The following SSBP2 variants were observed in gnomAD, a reference collection of about 807,000 sequenced individuals.
The protein encoded by SSBP2 is single stranded DNA binding protein 2.
Under a neutral mutation model 61.8 loss-of-function variants are expected in SSBP2, and 17 were observed. That is an observed-to-expected ratio of 0.28 (90% CI 0.19 to 0.41). The LOEUF (loss-of-function observed/expected upper bound fraction) is 0.41, where lower values mean the gene tolerates loss of function less well. Among genes scored for constraint, SSBP2 ranks in the 10% least tolerant of loss-of-function variants. The probability of loss-of-function intolerance (pLI) is 1.00; values close to 1 mark genes in which losing one functional copy is unlikely to be tolerated. For synonymous variants in SSBP2, 139 were observed against 141.3 expected (o/e 0.98, Z 0.12); for missense variants, 310 against 458.7 (o/e 0.68, Z 2.96).
intron 4 of SSBP2, among the ~76,000 whole-genome samples, chr5:81,535,722 G>A (rs987962658): frequency 2.6e-5 from 4 of 152,076 alleles, no homozygotes; most frequent in African/African-American, 7.2e-5. Flanking sequence ...AGAGAAAAAT[G>A]AATCTAAACA....
At chr5:81,539,061 A>T (rs1205561555) in intron 4 of SSBP2, among the ~76,000 whole-genome samples, 1 of 152,232 alleles carries the variant, frequency 6.6e-6, no homozygotes, top group East Asian at 1.9e-4. Flanking sequence ...GGTCTGGAAA[A>T]AGTAAATAGA....
At chr5:81,629,825 C>T (rs1367748724) in intron 3 of SSBP2, among the ~76,000 whole-genome samples, 1 of 152,176 alleles carries the variant, frequency 6.6e-6, no homozygotes, top group African/African-American at 2.4e-5. Context: ...CATCACCTCA[C>T]ATAGTACCTT....
chr5:81,498,138 T>C (rs980876277), intron 5 of SSBP2, among the ~76,000 whole-genome samples: 1 of 152,114 alleles, frequency 6.6e-6, no homozygotes, highest in African/African-American at 2.4e-5. Context: ...GGCTCAGCAT[T>C]TGAGTAAAAA....
At chr5:81,705,408 A>C (rs1561711522) in intron 1 of SSBP2, among the ~76,000 whole-genome samples, 2 of 152,168 alleles carry the variant, frequency 1.3e-5, no homozygotes, top group Non-Finnish European at 1.5e-5. Context: ...TACTTTACAA[A>C]AGTGCTTTAA....
intron 2 of SSBP2, among the ~76,000 whole-genome samples, chr5:81,644,506 A>G (rs1195192227): frequency 6.6e-6 from 1 of 152,218 alleles, no homozygotes; most frequent in Admixed American, 6.5e-5. Context: ...AAAACAGCTT[A>G]GTGAAAAATT....
At chr5:81,539,625 C>T (rs185663535) in intron 4 of SSBP2, among the ~76,000 whole-genome samples, 3 of 152,148 alleles carry the variant, frequency 2.0e-5, no homozygotes, top group Admixed American at 2.0e-4. Flanking sequence ...CCACAGCCAC[C>T]CCAGCATTCA....
At chr5:81,704,859 G>A (rs1754256526) in intron 1 of SSBP2, among the ~76,000 whole-genome samples, 1 of 149,194 alleles carries the variant, frequency 6.7e-6, no homozygotes. Context: ...GAAATACTAG[G>A]CTAAGTTTAA....
chr5:81,716,462 C>T (rs649872), intron 1 of SSBP2, among the ~76,000 whole-genome samples: 123,395 of 152,144 alleles, frequency 0.81, 50,290 homozygotes, highest in Middle Eastern at 0.9. Context: ...TCAAAGAAAC[C>T]AAGAATTAAG....
intron 1 of SSBP2, among the ~76,000 whole-genome samples, chr5:81,728,958 T>G (rs1756076751): frequency 6.6e-6 from 1 of 152,198 alleles, no homozygotes; most frequent in South Asian, 2.1e-4. Flanking sequence ...TAAAAGTCAG[T>G]ATTCTGTATT....
rs1581177622 is a variant in SSBP2, at chr5:81,616,884, T to C, written c.198-1327A>G. ...CCGGGTACTCCAACAGACCTACAGCTGAGGGTCCTGTCTGTTAGAAGGAAA... is the reference window on the plus strand; with the variant it reads ...CCGGGTACTCCAACAGACCTACAGCCGAGGGTCCTGTCTGTTAGAAGGAAA... On this transcript the variant is annotated intron_variant, in intron 3 of 16. Transcript: ENST00000320672. Among the ~76,000 whole-genome samples, 6 of 151,872 alleles carry C rather than the reference T, an allele frequency of 4.0e-5. No individual in the cohort carries two copies. The South Asian group carries it at 1.3e-3, about 32-fold the overall frequency.
At chr5:81,729,486 T>C (rs574102169) in intron 1 of SSBP2, among the ~76,000 whole-genome samples, 12 of 152,188 alleles carry the variant, frequency 7.9e-5, no homozygotes, top group African/African-American at 2.6e-4. Flanking sequence ...GGAACAGGTA[T>C]AGAGAATAAA....
chr5:81,532,646 T>G (rs1770503122), intron 4 of SSBP2, among the ~76,000 whole-genome samples: 1 of 151,990 alleles, frequency 6.6e-6, no homozygotes, highest in Admixed American at 6.6e-5. Context: ...CAACATATGC[T>G]GCTCCAAGAA....
At chr5:81,642,980 A>T (rs1748922350) in intron 2 of SSBP2, among the ~76,000 whole-genome samples, 1 of 152,168 alleles carries the variant, frequency 6.6e-6, no homozygotes, top group Non-Finnish European at 1.5e-5. Context: ...TTTACCTATT[A>T]TCTCTCAGCC....
chr5:81,691,230 A>G (rs1316689853), intron 1 of SSBP2, among the ~76,000 whole-genome samples: 3 of 152,152 alleles, frequency 2.0e-5, no homozygotes, highest in African/African-American at 7.2e-5. Context: ...TCAAGCAGAA[A>G]TAAATAAAAT....
chr5:81,604,255 CTTTTT>C (rs1208837769), intron 4 of SSBP2, among the ~76,000 whole-genome samples: 3 of 138,520 alleles, frequency 2.2e-5, no homozygotes, highest in Admixed American at 1.4e-4. Context: ...CTTTTCTTTT[CTTTTT>C]TTTTTTTTTC....
At chr5:81,531,243 G>GA (rs1205675144) in intron 4 of SSBP2, among the ~76,000 whole-genome samples, 49 of 108,722 alleles carry the variant, frequency 4.5e-4, no homozygotes, top group East Asian at 7.7e-4. Context: ...AAAAAAAAAA[G>GA]AAAAAAAAAA....
At chr5:81,727,523 T>C (rs1219301011) in intron 1 of SSBP2, among the ~76,000 whole-genome samples, 2 of 151,834 alleles carry the variant, frequency 1.3e-5, no homozygotes, top group Non-Finnish European at 2.9e-5. Context: ...CACTCCAACC[T>C]GAGCAACAAG....
At chr5:81,609,865 T>G (rs1266946138) in intron 4 of SSBP2, among the ~76,000 whole-genome samples, 2 of 152,184 alleles carry the variant, frequency 1.3e-5, no homozygotes, top group Admixed American at 6.5e-5. Flanking sequence ...TCAGAATGCA[T>G]TCCCCTATTC....
chr5:81,737,097 CCTAACTAAAG>C (rs1449887814), intron 1 of SSBP2, among the ~76,000 whole-genome samples: 1 of 152,134 alleles, frequency 6.6e-6, no homozygotes, highest in Non-Finnish European at 1.5e-5. Context: ...TCAACACCCA[CCTAACTAAAG>C]CTAAAAACCA....
Sources: allele counts gnomAD v4.1 joint callset (sites outside exome capture counted in the v4.1 genomes callset), GRCh38; gene constraint gnomAD v4.1.1; transcripts MANE v1.5; gene names NCBI Gene and HGNC (gene_info 2026-07-23, HGNC 2026-07-21).